The following ASAP1 variants were observed in gnomAD, a reference collection of about 807,000 sequenced individuals.
ASAP1 encodes ArfGAP with SH3 domain, ankyrin repeat and PH domain 1, also known as arf-GAP with SH3 domain, ANK repeat and PH domain-containing protein 1.
A neutral mutation model predicts 145.2 loss-of-function variants in ASAP1; 43 were observed. That is an observed-to-expected ratio of 0.30 (90% confidence interval 0.23 to 0.38). ASAP1 has a LOEUF of 0.38. Among genes scored for constraint, ASAP1 ranks in the 10% least tolerant of loss-of-function variants. ASAP1 has a pLI of 1.00. For missense variants in ASAP1, 1,018 were observed against 1,355.3 expected (o/e 0.75, Z 3.91); for synonymous variants, 546 against 515.5 (o/e 1.06, Z -0.80).
intron 3 of ASAP1, among the ~76,000 whole-genome samples, chr8:130,308,898 T>C (rs1474060228): frequency 6.6e-6 from 1 of 151,992 alleles, no homozygotes; most frequent in African/African-American, 2.4e-5. Flanking sequence ...AAAAATTAGC[T>C]GGGCACGGTG....
chr8:130,072,954 A>C (rs2097453061), intron 27 of ASAP1, among the ~76,000 whole-genome samples: 1 of 150,568 alleles, frequency 6.6e-6, no homozygotes, highest in Non-Finnish European at 1.5e-5. Flanking sequence ...GTGTGGGGAA[A>C]AATCCCCACA....
chr8:130,168,603 CAG>C (rs1462027230), intron 10 of ASAP1, among the ~76,000 whole-genome samples: 1 of 152,048 alleles, frequency 6.6e-6, no homozygotes, highest in African/African-American at 2.4e-5. Flanking sequence ...AAAACAAAAA[CAG>C]AAACAAACAA....
At chr8:130,324,585 T>A (rs1005346048) in intron 3 of ASAP1, among the ~76,000 whole-genome samples, 1 of 152,216 alleles carries the variant, frequency 6.6e-6, no homozygotes. Context: ...ATGCAATGGA[T>A]GACTCAGATG....
At chr8:130,067,012 C>T (rs966023158) in intron 27 of ASAP1, among the ~76,000 whole-genome samples, 3 of 152,186 alleles carry the variant, frequency 2.0e-5, no homozygotes, top group Non-Finnish European at 2.9e-5. Context: ...AAGCTGACTC[C>T]CATCCTTTTG....
intron 2 of ASAP1, among the ~76,000 whole-genome samples, chr8:130,374,317 T>G (rs1213421616): frequency 1.3e-5 from 2 of 152,236 alleles, no homozygotes; most frequent in Non-Finnish European, 2.9e-5. Context: ...ATGTGAATCT[T>G]CATTGTTTTC....
At chr8:130,374,592 G>C (rs1034274022) in intron 2 of ASAP1, among the ~76,000 whole-genome samples, 1 of 152,224 alleles carries the variant, frequency 6.6e-6, no homozygotes, top group African/African-American at 2.4e-5. Flanking sequence ...TTTTTAACAA[G>C]CTTACATACT....
rs907565413 is a variant in ASAP1 at position 130,052,438 on chromosome 8, T to A, written c.*2293A>T. 1.3e-5 allele frequency: 2 copies of A among 152,484 alleles called. No individual in the cohort carries two copies. Among genetic ancestry groups the A allele is most frequent in the African/African-American group, 4.8e-5 (2 of 41,448 alleles). 9.4% of individuals were successfully genotyped at this position (152,484 alleles called of 1,614,324 possible). A position where few individuals can be genotyped will look rare whatever the true frequency, so the allele number is the denominator to read the frequency against. On this transcript the variant is annotated 3_prime_UTR_variant, in exon 30 of 30. Coordinates refer to ENST00000518721, the MANE Select transcript of ASAP1 (RefSeq NM_018482.4). ...TATTTTTTTTTCATAAGGTTCCATA[T>A]CTTCAAAATACTATATAATGTACAA... is the stretch of plus-strand genomic sequence containing the variant.
intron 1 of ASAP1, among the ~76,000 whole-genome samples, chr8:130,412,589 T>C (rs1829313371): frequency 6.6e-6 from 1 of 152,154 alleles, no homozygotes; most frequent in Admixed American, 6.6e-5. Flanking sequence ...CCGATATTTC[T>C]TTATAACAAT....
rs181022015 is a variant in ASAP1, at chr8:130,416,746, G to A, written c.-27-14776C>T. Among the ~76,000 whole-genome samples, 59 of 152,330 alleles carry A rather than the reference G, an allele frequency of 3.9e-4. No homozygotes were observed. The East Asian group carries it at 8.1e-3, about 21-fold the overall frequency. ...CTACCTGCTTAGGCTGCCACCTAAT[G>A]GAAAGTCCACTGGCTCCTCGGAGAC... On this transcript the variant is annotated intron_variant, in intron 1 of 29. Coordinates refer to ENST00000518721, the MANE Select transcript of ASAP1 (RefSeq NM_018482.4).
chr8:130,413,889 C>T (rs900454180), intron 1 of ASAP1, among the ~76,000 whole-genome samples: 2 of 65,766 alleles, frequency 3.0e-5, no homozygotes, highest in Admixed American at 1.4e-4. Flanking sequence ...TTGCCAGATT[C>T]ATTCATTCAT....
chr8:130,321,484 T>G (rs1034249325), intron 3 of ASAP1, among the ~76,000 whole-genome samples: 2 of 151,994 alleles, frequency 1.3e-5, no homozygotes, highest in South Asian at 4.1e-4. Context: ...TTTCTACATT[T>G]ACAAAAAAGG....
intron 3 of ASAP1, among the ~76,000 whole-genome samples, chr8:130,283,622 G>T (rs1471209618): frequency 6.9e-6 from 1 of 144,302 alleles, no homozygotes; most frequent in Admixed American, 6.9e-5. Flanking sequence ...AAAGAAGGCA[G>T]GATGCAGACA....
At chr8:130,152,851 C>T (rs750209727) in intron 12 of ASAP1, 46 bp from the exon 13 acceptor site, 1 of 1,412,032 alleles carries the variant, frequency 7.1e-7, no homozygotes, top group Non-Finnish European at 9.9e-7. Flanking sequence ...CTGATTCACT[C>T]TGGGACATGC....
At chr8:130,363,775 G>A (rs557858594) in intron 2 of ASAP1, among the ~76,000 whole-genome samples, 33 of 152,260 alleles carry the variant, frequency 2.2e-4, no homozygotes, top group African/African-American at 7.5e-4. Flanking sequence ...TCTCTTTACT[G>A]TATTCTGTAT....
intron 6 of ASAP1, 125 bp from the exon 7 acceptor site, chr8:130,187,410 A>C: frequency 1.3e-6 from 1 of 747,010 alleles, no homozygotes; most frequent in South Asian, 1.6e-5. Flanking sequence ...CACTTTATGC[A>C]CGTTACACCA....
intron 23 of ASAP1, 74 bp from the exon 24 acceptor site, chr8:130,112,396 C>A: frequency 7.4e-7 from 1 of 1,353,708 alleles, no homozygotes; most frequent in Non-Finnish European, 1.0e-6. Flanking sequence ...CTCCGCAGGG[C>A]GGGCTCAGGT....
At chr8:130,437,104 C>CA (rs56207589) in intron 1 of ASAP1, among the ~76,000 whole-genome samples, 10,551 of 89,006 alleles carry the variant, frequency 0.12, 475 homozygotes, top group Middle Eastern at 0.21. Context: ...GATTTCATCT[C>CA]AAAAAAAAAA....
chr8:130,352,385 C>A (rs577229592), intron 3 of ASAP1, among the ~76,000 whole-genome samples: 2 of 152,230 alleles, frequency 1.3e-5, no homozygotes, highest in South Asian at 4.1e-4. Flanking sequence ...CAAGATCAGA[C>A]GTCAAACCCT....
intron 2 of ASAP1, among the ~76,000 whole-genome samples, chr8:130,369,596 G>A (rs1405784188): frequency 6.6e-6 from 1 of 152,174 alleles, no homozygotes; most frequent in Non-Finnish European, 1.5e-5. Context: ...AGATATACAA[G>A]TGGATAATAA....
Sources: gnomAD v4.1 joint callset for allele counts (sites outside exome capture counted in the v4.1 genomes callset) on GRCh38, gnomAD v4.1.1 for gene constraint, MANE v1.5 for transcripts, NCBI Gene and HGNC (gene_info 2026-07-23, HGNC 2026-07-21) for gene names.